The following EFCAB6 variants were observed in gnomAD, a reference collection of about 807,000 sequenced individuals.
EFCAB6 encodes EF-hand calcium binding domain 6.
EFCAB6 carries 156 observed loss-of-function variants against 169.8 expected under a neutral mutation model. The observed-to-expected ratio is 0.92, with a 90% CI of 0.81 to 1.05. EFCAB6 has a LOEUF of 1.05. Ranked by LOEUF, EFCAB6 falls within the 50% of genes least tolerant of loss-of-function variation. The pLI is 0.00. For synonymous variants in EFCAB6, 698 were observed against 676.4 expected, an observed-to-expected ratio of 1.03 and a Z score of -0.50; for missense variants, 1,800 against 1,829.1, an observed-to-expected ratio of 0.98 and a Z score of 0.29.
At chr22:43,754,997 T>C (rs1471277959) in intron 6 of EFCAB6, among the ~76,000 whole-genome samples, 1 of 152,222 alleles carries the variant, frequency 6.6e-6, no homozygotes, top group African/African-American at 2.4e-5. Flanking sequence ...ATGAATTTTC[T>C]GGTGTTAATG....
At chr22:43,614,424 C>T (rs1162221378) in intron 21 of EFCAB6, among the ~76,000 whole-genome samples, 1 of 152,120 alleles carries the variant, frequency 6.6e-6, no homozygotes, top group African/African-American at 2.4e-5. Flanking sequence ...GGACATCCAC[C>T]TTTAAATAAA....
At chr22:43,643,298 A>G (rs1459236127) in intron 17 of EFCAB6, among the ~76,000 whole-genome samples, 1 of 152,268 alleles carries the variant, frequency 6.6e-6, no homozygotes, top group Non-Finnish European at 1.5e-5. Flanking sequence ...ACAAGTGGTA[A>G]GAAGTAGAGC....
At chr22:43,564,110 G>A (rs13055081) in intron 26 of EFCAB6, among the ~76,000 whole-genome samples, 35,749 of 152,048 alleles carry the variant, frequency 0.24, 5,433 homozygotes, top group East Asian at 0.62. Flanking sequence ...GAGTCATTCC[G>A]GGAAAAGACA....
chr22:43,687,316 T>C (rs2058233957), intron 11 of EFCAB6, among the ~76,000 whole-genome samples, 155 bp downstream of exon 11: 2 of 152,216 alleles, frequency 1.3e-5, no homozygotes, highest in African/African-American at 4.8e-5. Flanking sequence ...GAAAAATTTG[T>C]AAGCAGTAAA....
intron 26 of EFCAB6, among the ~76,000 whole-genome samples, chr22:43,557,260 A>T (rs1462031491): frequency 2.0e-5 from 3 of 152,220 alleles, no homozygotes; most frequent in Non-Finnish European, 4.4e-5. Context: ...ATGTATATGA[A>T]TGTTCTCTGA....
At chr22:43,650,424 G>T (rs1268020869) in intron 17 of EFCAB6, among the ~76,000 whole-genome samples, 1 of 152,180 alleles carries the variant, frequency 6.6e-6, no homozygotes, top group Non-Finnish European at 1.5e-5. Flanking sequence ...CTTGCCTTCT[G>T]CCATGATTGT....
chr22:43,766,644 G>A (rs1207824694), intron 4 of EFCAB6, among the ~76,000 whole-genome samples: 1 of 151,790 alleles, frequency 6.6e-6, no homozygotes, highest in African/African-American at 2.4e-5. Context: ...CCTCCCGAGA[G>A]CTTGGGACTA....
At chr22:43,529,102 C>A in intron 31 of EFCAB6, 127 bp from the exon 32 acceptor site, 1 of 1,116,874 alleles carries the variant, frequency 9.0e-7, no homozygotes. Context: ...GTCAGCCTCC[C>A]ATCTGTGCGC....
At chr22:43,546,744 G>A (rs1263203335) in intron 27 of EFCAB6, among the ~76,000 whole-genome samples, 8 of 151,824 alleles carry the variant, frequency 5.3e-5, no homozygotes, top group South Asian at 4.2e-4. Context: ...GTGGTGGTGC[G>A]CACCTGTAAT....
intron 3 of EFCAB6, among the ~76,000 whole-genome samples, chr22:43,778,296 G>A (rs2061703033): frequency 1.3e-5 from 2 of 152,222 alleles, no homozygotes; most frequent in South Asian, 4.1e-4. Flanking sequence ...CCCAGTGCAG[G>A]TAAGTAGCAC....
chr22:43,738,536 C>T (rs2060252902), intron 6 of EFCAB6, among the ~76,000 whole-genome samples: 1 of 151,882 alleles, frequency 6.6e-6, no homozygotes, highest in South Asian at 2.1e-4. Flanking sequence ...TATATTCACA[C>T]ACACCTGTGC....
intron 9 of EFCAB6, 36 bp downstream of exon 9, chr22:43,716,812 C>G: frequency 6.3e-7 from 1 of 1,582,506 alleles, no homozygotes; most frequent in Admixed American, 1.9e-5. Context: ...GCTGTGTTTA[C>G]TCTGTAGGTA....
intron 22 of EFCAB6, 77 bp downstream of exon 22, chr22:43,608,405 A>T (rs1250275494): frequency 7.8e-7 from 1 of 1,286,884 alleles, no homozygotes; most frequent in Non-Finnish European, 1.1e-6. Flanking sequence ...GATGTAGGAA[A>T]GATTAGGCTG....
intron 6 of EFCAB6, among the ~76,000 whole-genome samples, chr22:43,747,673 G>A (rs2060614818): frequency 6.6e-6 from 1 of 152,242 alleles, no homozygotes; most frequent in South Asian, 2.1e-4. Flanking sequence ...CACCCACCCT[G>A]TGCCCTCCTG....
At chr22:43,710,303 G>C (rs1218921780) in intron 10 of EFCAB6, among the ~76,000 whole-genome samples, 1 of 152,178 alleles carries the variant, frequency 6.6e-6, no homozygotes, top group Non-Finnish European at 1.5e-5. Flanking sequence ...AGACTATCTG[G>C]TCACATCAAC....
At chr22:43,731,889 C>T (rs776664373) in intron 7 of EFCAB6, 78 bp from the exon 8 acceptor site, 1 of 750,916 alleles carries the variant, frequency 1.3e-6, no homozygotes, top group Non-Finnish European at 2.0e-6. Context: ...GTATCCTTTA[C>T]ACTCGGGCTG....
intron 2 of EFCAB6, among the ~76,000 whole-genome samples, chr22:43,785,230 T>C (rs1453965073): frequency 6.6e-6 from 1 of 152,158 alleles, no homozygotes; most frequent in African/African-American, 2.4e-5. Context: ...TAGAATATCA[T>C]TCTTCTCAGC....
intron 27 of EFCAB6, among the ~76,000 whole-genome samples, chr22:43,549,730 G>A (rs2048277123): frequency 6.6e-6 from 1 of 152,160 alleles, no homozygotes. Context: ...GACAGGATGA[G>A]AAAAGAAAAT....
At chr22:43,797,943 CT>C (rs1428925276) in intron 2 of EFCAB6, among the ~76,000 whole-genome samples, 1 of 152,208 alleles carries the variant, frequency 6.6e-6, no homozygotes, top group African/African-American at 2.4e-5. Context: ...CCTCGCCCCT[CT>C]CTGACTAATG....
Sources: gnomAD v4.1 joint callset for allele counts (sites outside exome capture counted in the v4.1 genomes callset) on GRCh38, gnomAD v4.1.1 for gene constraint, MANE v1.5 for transcripts, NCBI Gene and HGNC (gene_info 2026-07-23, HGNC 2026-07-21) for gene names.